ACTR10: variants seen among roughly 807,000 people sequenced by gnomAD.
The protein encoded by ACTR10 is actin-related protein 10.
A neutral mutation model predicts 56.2 loss-of-function variants in ACTR10; 43 were observed. That is an observed-to-expected ratio of 0.77 (90% CI 0.60 to 0.99). The LOEUF (loss-of-function observed/expected upper bound fraction) is 0.99, where lower values mean the gene tolerates loss of function less well. Ranked by LOEUF, ACTR10 falls within the 50% of genes least tolerant of loss-of-function variation. The pLI is 0.00. For missense variants in ACTR10, 466 were observed against 507.8 expected (o/e 0.92, Z 0.79); for synonymous variants, 170 against 176.3 (o/e 0.96, Z 0.28).
chr14:58,206,830 G>A (rs569825333), intron 2 of ACTR10, among the ~76,000 whole-genome samples: 6 of 152,184 alleles, frequency 3.9e-5, no homozygotes, highest in African/African-American at 1.4e-4. Flanking sequence ...TTTGAAGAAA[G>A]ATATATCATA....
chr14:58,234,653 G>T lies in ACTR10; in HGVS notation c.*102G>T, dbSNP rs1412562207. 2.9e-6 allele frequency: 3 copies of T among 1,052,322 alleles called. No homozygotes were observed. The highest frequency in any genetic ancestry group is 4.0e-6 in the Non-Finnish European group (3 of 751,584). 65.2% of individuals were successfully genotyped at this position (1,052,322 alleles called of 1,614,324 possible). ...ATGTTTTGTTATAGAGGACTATAGT[G>T]GAAGTGAAAGCATTCTGTGTTTACT... On this transcript the variant is annotated 3_prime_UTR_variant, in exon 13 of 13. Coordinates refer to ENST00000254286, the MANE Select transcript of ACTR10 (RefSeq NM_018477.3).
At chr14:58,200,469 A>G (rs1488513820) in intron 1 of ACTR10, among the ~76,000 whole-genome samples, 175 bp downstream of exon 1, 4 of 152,192 alleles carry the variant, frequency 2.6e-5, no homozygotes, top group African/African-American at 9.6e-5. Flanking sequence ...GGCGATGCGA[A>G]TCCGAGGATC....
At chr14:58,229,460 C>T (rs1051856968) in intron 10 of ACTR10, among the ~76,000 whole-genome samples, 1 of 151,990 alleles carries the variant, frequency 6.6e-6, no homozygotes, top group African/African-American at 2.4e-5. Flanking sequence ...GGGCGGATCA[C>T]GAGGTCAGGA....
At chr14:58,215,005 C>A (rs1213523922) in intron 6 of ACTR10, among the ~76,000 whole-genome samples, 200 bp from the exon 7 acceptor site, 1 of 151,702 alleles carries the variant, frequency 6.6e-6, no homozygotes. Flanking sequence ...ACTCGAGAGG[C>A]TGAGGCAGGA....
chr14:58,205,047 C>T (rs958196346), intron 2 of ACTR10, among the ~76,000 whole-genome samples: 1 of 151,794 alleles, frequency 6.6e-6, no homozygotes, highest in East Asian at 2.0e-4. Flanking sequence ...AAGGAGAAAC[C>T]CTATCTCTAC....
chr14:58,234,688 A>G lies in ACTR10; in HGVS notation c.*137A>G, dbSNP rs1444819063. ...GCATTCTGTGTTTACTCTTTGCATT[A>G]ATATATAATTCTTTTGACTTTGTTT... On this transcript the variant is annotated 3_prime_UTR_variant, in exon 13 of 13. Coordinates refer to ENST00000254286, the MANE Select transcript of ACTR10 (RefSeq NM_018477.3). 2.8e-6 allele frequency: 2 copies of G among 723,526 alleles called. No individual in the cohort carries two copies. The highest frequency in any genetic ancestry group is 5.8e-5 in the East Asian group (2 of 34,372). The allele number at this position is 723,526 out of a possible 1,614,324, so 44.8% of individuals were successfully genotyped here.
At chr14:58,227,419 T>C (rs1484574160) in intron 10 of ACTR10, among the ~76,000 whole-genome samples, 1 of 152,256 alleles carries the variant, frequency 6.6e-6, no homozygotes, top group Admixed American at 6.5e-5. Context: ...TTTACAGTTG[T>C]CTCACCTGTT....
Position 58,234,467 on chromosome 14 carries a change from C to T in ACTR10, c.1170C>T (p.Leu390=). 2 of 1,613,576 alleles carry T rather than the reference C, an allele frequency of 1.2e-6. No individual in the cohort carries two copies. The highest frequency in any genetic ancestry group is 1.7e-6 in the Non-Finnish European group (2 of 1,179,710). Residue 390 remains leucine (L), a synonymous_variant, in exon 13 of 13, where the codon CTC becomes CTT. Transcript: ENST00000254286. ...GCCGTATACCTGATTGGTGTTCTCT[C>T]AATAACCCACCTTTGGAAATGATGT... ...QTGRIPDWCS[L]NNPPLEMMFD... is the part of the protein sequence containing the mutation.
chr14:58,227,298 A>G (rs1889427678), intron 10 of ACTR10, among the ~76,000 whole-genome samples: 1 of 152,094 alleles, frequency 6.6e-6, no homozygotes, highest in South Asian at 2.1e-4. Context: ...TGGTAGGCCA[A>G]GGCGGGCGGA....
chr14:58,200,674 A>G (rs1162730226), intron 1 of ACTR10, among the ~76,000 whole-genome samples: 1 of 152,238 alleles, frequency 6.6e-6, no homozygotes, highest in Non-Finnish European at 1.5e-5. Flanking sequence ...TCGATGACGA[A>G]TTTCATCATA....
intron 1 of ACTR10, 80 bp downstream of exon 1, chr14:58,200,374 T>C (rs1888676569): frequency 1.7e-6 from 2 of 1,212,090 alleles, no homozygotes; most frequent in Non-Finnish European, 2.2e-6. Context: ...TGGGTCCTCA[T>C]CGCCGACTCG....
intron 2 of ACTR10, 23 bp downstream of exon 2, chr14:58,202,950 A>C (rs775249969): frequency 5.7e-6 from 8 of 1,395,416 alleles, no homozygotes; most frequent in Non-Finnish European, 5.0e-6. Flanking sequence ...AAATATTAGC[A>C]AAATAAATGC....
chr14:58,222,148 A>G (rs1480654835), intron 8 of ACTR10, among the ~76,000 whole-genome samples: 7 of 152,068 alleles, frequency 4.6e-5, no homozygotes, highest in Non-Finnish European at 2.9e-5. Context: ...TATGCATTAT[A>G]TATATTATAC....
At position 58,215,245 on chromosome 14, in the gene ACTR10, A is replaced by G. The variant is rs756583422; in HGVS notation, c.559A>G (p.Thr187Ala). The G allele has an allele frequency of 3.7e-6, 6 of 1,611,600 alleles. No homozygotes were observed. In the South Asian group the frequency reaches 5.5e-5, roughly 15 times the overall value. Residue 187 changes from threonine (T) to alanine (A), a missense_variant, in exon 7 of 13, where the codon ACA (threonine) becomes GCA (alanine). Coordinates refer to ENST00000254286, the MANE Select transcript of ACTR10 (RefSeq NM_018477.3). The part of the protein sequence containing the change: ...TQLLEQCTVD[T>A]SVAKEQSLPS... ...ACTATTGGAACAATGTACTGTTGACACAAGTGTTGCTAAAGAACAGAGCCT... is the reference window on the plus strand; with the variant it reads ...ACTATTGGAACAATGTACTGTTGACGCAAGTGTTGCTAAAGAACAGAGCCT...
intron 10 of ACTR10, among the ~76,000 whole-genome samples, chr14:58,224,610 A>G (rs1202269522): frequency 2.0e-5 from 3 of 152,154 alleles, no homozygotes; most frequent in Non-Finnish European, 2.9e-5. Context: ...CTTGAGCCCA[A>G]AAATTCATGA....
At chr14:58,225,933 A>G (rs1889386023) in intron 10 of ACTR10, among the ~76,000 whole-genome samples, 1 of 152,084 alleles carries the variant, frequency 6.6e-6, no homozygotes, top group South Asian at 2.1e-4. Context: ...GCTGGTCTCG[A>G]ACTCCTGACC....
chr14:58,208,018 G>A lies in ACTR10; in HGVS notation c.233G>A (p.Arg78Lys). 2 of 1,503,406 alleles carry A rather than the reference G, an allele frequency of 1.3e-6. No homozygotes were observed. The highest frequency in any genetic ancestry group is 1.5e-5 in the African/African-American group (1 of 68,046). The allele number at this position is 1,503,406 out of a possible 1,614,324, so 93.1% of individuals were successfully genotyped here. ...LKEFIHILYF[R>K]HLLVNPRDRR... ...GAATTCATCCACATACTATATTTCA[G>A]GTAAGATACATTTTGTTTTCTAGCT... The change falls in exon 3 of 13, where the codon AGG becomes AAG. Residue 78 changes from arginine (R) to lysine (K), a missense_variant and splice_region_variant. Coordinates refer to ENST00000254286, the MANE Select transcript of ACTR10 (RefSeq NM_018477.3).
intron 3 of ACTR10, 74 bp from the exon 4 acceptor site, chr14:58,208,925 C>T: frequency 1.1e-6 from 1 of 936,738 alleles, no homozygotes; most frequent in Non-Finnish European, 1.7e-6. Context: ...TACAGTTTCA[C>T]TGTTCTTAAA....
At chr14:58,205,565 T>G (rs1955229576) in intron 2 of ACTR10, among the ~76,000 whole-genome samples, 1 of 152,108 alleles carries the variant, frequency 6.6e-6, no homozygotes, top group Admixed American at 6.5e-5. Context: ...TCCGCCCGCC[T>G]TGGCTTCCCA....
Sources: gnomAD v4.1 joint callset for allele counts (sites outside exome capture counted in the v4.1 genomes callset) on GRCh38, gnomAD v4.1.1 for gene constraint, MANE v1.5 for transcripts, NCBI Gene and HGNC (gene_info 2026-07-23, HGNC 2026-07-21) for gene names.